The following SLC12A2 variants were observed in gnomAD, a reference collection of about 807,000 sequenced individuals.
The protein encoded by SLC12A2 is solute carrier family 12 member 2.
In SLC12A2, 67 loss-of-function variants were observed where a neutral mutation model predicts 136.3. That is an observed-to-expected ratio of 0.49 (90% CI 0.40 to 0.60). The LOEUF (loss-of-function observed/expected upper bound fraction) is 0.60. Among genes scored for constraint, SLC12A2 ranks in the 20% least tolerant of loss-of-function variants. The pLI, the probability that SLC12A2 is intolerant of heterozygous loss-of-function variation, is 0.00. For synonymous variants in SLC12A2, 619 were observed against 562.9 expected (o/e 1.10, Z -1.41); for missense variants, 1,322 against 1,534.7 (o/e 0.86, Z 2.32).
intron 7 of SLC12A2, among the ~76,000 whole-genome samples, chr5:128,137,572 A>G (rs1182090407): frequency 6.6e-6 from 1 of 152,202 alleles, no homozygotes; most frequent in Non-Finnish European, 1.5e-5. Flanking sequence ...CTTAAATTCC[A>G]TGAAGGCAGG....
At position 128,084,437 on chromosome 5, in the gene SLC12A2, G is replaced by C. The variant is rs150435168; in HGVS notation, c.483G>C (p.Gly161=). 17 of 1,612,652 alleles carry C rather than the reference G, an allele frequency of 1.1e-5. No individual in the cohort carries two copies. Among genetic ancestry groups the C allele is most frequent in the Middle Eastern group, 3.3e-4 (2 of 6,058 alleles). ...SAEDSLSDAA[G]VGVDGPNVSF... ...AAGACAGCCTGTCAGATGCTGCCGG[G>C]GTCGGAGTCGACGGGCCCAACGTGA... Residue 161 remains glycine, a synonymous_variant, in exon 1 of 27, where the codon GGG becomes GGC. Transcript: ENST00000262461. This position sits in a 1 kb window ranked among gnomAD's most constrained non-coding sequence, Gnocchi z 5.6.
intron 1 of SLC12A2, among the ~76,000 whole-genome samples, chr5:128,088,007 C>G (rs969598330): frequency 5.7e-5 from 8 of 140,392 alleles, no homozygotes; most frequent in African/African-American, 8.0e-5. Flanking sequence ...GGAGGAGGCT[C>G]TGTGTGTGTG....
intron 1 of SLC12A2, chr5:128,110,118 A>G (rs924722579): frequency 1.8e-5 from 17 of 923,748 alleles, no homozygotes; most frequent in South Asian, 5.2e-5. Context: ...AGGTTTTAGA[A>G]TTTTCATGGA....
chr5:128,180,216 C>T (rs929166231), intron 22 of SLC12A2, among the ~76,000 whole-genome samples: 6 of 151,978 alleles, frequency 3.9e-5, no homozygotes, highest in Non-Finnish European at 7.4e-5. Flanking sequence ...GTGATCCACC[C>T]ACCTCGGCCT....
At chr5:128,150,155 A>G in intron 13 of SLC12A2, 57 bp downstream of exon 13, 1 of 1,129,396 alleles carries the variant, frequency 8.9e-7, no homozygotes, top group Non-Finnish European at 1.3e-6. Flanking sequence ...CAAAGAAAAT[A>G]AAACTTTTGC....
intron 1 of SLC12A2, among the ~76,000 whole-genome samples, chr5:128,098,584 G>A (rs534796052): frequency 4.6e-5 from 7 of 151,322 alleles, no homozygotes; most frequent in Admixed American, 3.9e-4. Flanking sequence ...CAGACACTAC[G>A]GGTTTTGGGG....
At chr5:128,122,626 C>T (rs1761626040) in intron 4 of SLC12A2, among the ~76,000 whole-genome samples, 1 of 152,054 alleles carries the variant, frequency 6.6e-6, no homozygotes, top group South Asian at 2.1e-4. Flanking sequence ...TTTTACTTTT[C>T]TCTGAAATAA....
intron 13 of SLC12A2, 42 bp downstream of exon 13, chr5:128,150,140 G>C (rs1047871699): frequency 8.1e-7 from 1 of 1,239,404 alleles, no homozygotes; most frequent in Non-Finnish European, 1.2e-6. Context: ...TATCATTTTT[G>C]ATTGCAAAGA....
intron 4 of SLC12A2, among the ~76,000 whole-genome samples, chr5:128,119,459 C>T (rs1056631456): frequency 1.3e-5 from 2 of 152,156 alleles, no homozygotes; most frequent in Non-Finnish European, 2.9e-5. Flanking sequence ...GTTTTCCCAG[C>T]ACCATTTATT....
In SLC12A2 at chr5:128,102,835, T is replaced by C. The variant is rs140994047; in HGVS notation, c.757-9979T>C. 2.2e-3 allele frequency among the ~76,000 whole-genome samples: 339 copies of C among 151,868 alleles called. 1 individual carries two copies. Among genetic ancestry groups the C allele is most frequent in the African/African-American group, 7.7e-3 (321 of 41,430 alleles). ...GGAGTTTCACCTTTGTTGCCCAAGCTGGTATTGAACTCCTGAGCTCAAGCG... is the reference window on the plus strand; with the variant it reads ...GGAGTTTCACCTTTGTTGCCCAAGCCGGTATTGAACTCCTGAGCTCAAGCG... On this transcript the variant is annotated intron_variant, in intron 1 of 26. Transcript: ENST00000262461.
rs184513753 is a variant in SLC12A2, at chr5:128,153,061, T to C, written c.2363+256T>C. ...AAAGTTTGATTTTCTCCATGTTCAT[T>C]AAAGTTACGTAACTGTGTAAGTATG... is the stretch of plus-strand genomic sequence containing the variant. On this transcript the variant is annotated intron_variant, in intron 15 of 26. Coordinates refer to ENST00000262461, the MANE Select transcript of SLC12A2 (RefSeq NM_001046.3). 2.0e-5 allele frequency among the ~76,000 whole-genome samples: 3 copies of C among 152,286 alleles called. No homozygotes were observed. The East Asian group carries it at 5.8e-4, about 29-fold the overall frequency.
Position 128,187,562 on chromosome 5 carries a change from T to C in SLC12A2, c.*931T>C, listed in dbSNP as rs549771206. On this transcript the variant is annotated 3_prime_UTR_variant, in exon 27 of 27. Coordinates refer to ENST00000262461, the MANE Select transcript of SLC12A2 (RefSeq NM_001046.3). Reference sequence around the variant, plus strand: ...CAAAACAATGTCATTTAGTAGAATATTTCAGTATTTAAGTGGAATTTCAGT... The same window carrying C: ...CAAAACAATGTCATTTAGTAGAATACTTCAGTATTTAAGTGGAATTTCAGT... 2 of 152,392 alleles carry C rather than the reference T, an allele frequency of 1.3e-5. No homozygotes were observed. The highest frequency in any genetic ancestry group is 4.1e-4 in the South Asian group (2 of 4,830). 9.4% of individuals were successfully genotyped at this position (152,392 alleles called of 1,614,324 possible). A position where few individuals can be genotyped will look rare whatever the true frequency, so the allele number is the denominator to read the frequency against.
At chr5:128,137,587 A>G (rs1386133784) in intron 7 of SLC12A2, among the ~76,000 whole-genome samples, 1 of 152,228 alleles carries the variant, frequency 6.6e-6, no homozygotes, top group Non-Finnish European at 1.5e-5. Flanking sequence ...GGCAGGAACA[A>G]TGTCTAACTT....
chr5:128,110,713 A>AT (rs1761112301), intron 1 of SLC12A2: 1 of 1,445,402 alleles, frequency 6.9e-7, no homozygotes, highest in Admixed American at 1.7e-5. Context: ...GAAACACTAC[A>AT]TTCCAGTGAA....
At chr5:128,131,299 A>T (rs1581095226) in intron 5 of SLC12A2, 93 bp downstream of exon 5, 1 of 1,232,792 alleles carries the variant, frequency 8.1e-7, no homozygotes, top group Non-Finnish European at 1.2e-6. Context: ...AAGCAGTGAT[A>T]TGATGACCAA....
In SLC12A2 at chr5:128,167,878, TTTTAATTCAA is replaced by T; in HGVS notation, c.2723+13_2723+22del. ...TATAAACTTATTTCAGTAAGTATCT[TTTTAATTCAA>T]TAATTTAGTTCATTTAGAAAATGTT... is the stretch of plus-strand genomic sequence containing the variant. On this transcript the variant is annotated intron_variant, in intron 18 of 26. Coordinates refer to ENST00000262461, the MANE Select transcript of SLC12A2 (RefSeq NM_001046.3). 2 of 1,416,606 alleles carry T rather than the reference TTTTAATTCAA, an allele frequency of 1.4e-6. No homozygotes were observed. The highest frequency in any genetic ancestry group is 1.9e-6 in the Non-Finnish European group (2 of 1,031,072). 87.8% of individuals were successfully genotyped at this position (1,416,606 alleles called of 1,614,324 possible).
rs1226522092 is a variant in SLC12A2, at chr5:128,188,675, G to C, written c.*2044G>C. On this transcript the variant is annotated 3_prime_UTR_variant, in exon 27 of 27. Coordinates refer to ENST00000262461, the MANE Select transcript of SLC12A2 (RefSeq NM_001046.3). ...ATTTTTGCTTCATGAGTATGACCTA[G>C]GTATAGAGATCTGATAACTTGAATT... 4 of 149,622 alleles carry C rather than the reference G, an allele frequency of 2.7e-5. No individual in the cohort carries two copies. The highest frequency in any genetic ancestry group is 4.9e-5 in the African/African-American group (2 of 40,528). The allele number at this position is 149,622 out of a possible 1,614,324, so 9.3% of individuals were successfully genotyped here. A position where few individuals can be genotyped will look rare whatever the true frequency, so the allele number is the denominator to read the frequency against.
intron 4 of SLC12A2, among the ~76,000 whole-genome samples, chr5:128,128,313 G>T (rs558725503): frequency 6.6e-6 from 1 of 152,146 alleles, no homozygotes; most frequent in East Asian, 1.9e-4. Context: ...CCCAAATCAA[G>T]ATGTAATAAA....
rs762278497 is a variant in SLC12A2 at position 128,097,783 on chromosome 5, T to C, written c.756+13073T>C. Among the ~76,000 whole-genome samples the C allele has an allele frequency of 1.3e-3, 191 of 152,140 alleles. 2 individuals carry two copies. Among genetic ancestry groups the C allele is most frequent in the Admixed American group, 1.0e-3 (16 of 15,256 alleles). On this transcript the variant is annotated intron_variant, in intron 1 of 26. Transcript: ENST00000262461. ...TTAAAAAACAGATAAAAGAAAAATA[T>C]GTATGGTTTTTAAATATTTTCATTT...
Sources: gnomAD v4.1 joint callset for allele counts (sites outside exome capture counted in the v4.1 genomes callset) on GRCh38, gnomAD v4.1.1 for gene constraint, Gnocchi (gnomAD v3.1) non-coding constraint, MANE v1.5 for transcripts, NCBI Gene and HGNC (gene_info 2026-07-23, HGNC 2026-07-21) for gene names.